The following CAPSL variants were observed in gnomAD, a reference collection of about 807,000 sequenced individuals.
The protein encoded by CAPSL is calcyphosin-like protein.
In CAPSL, 17 loss-of-function variants were observed where a neutral mutation model predicts 21.3. The observed-to-expected ratio is 0.80, with a 90% CI of 0.55 to 1.20. The LOEUF (loss-of-function observed/expected upper bound fraction) is 1.20. Ranked by LOEUF, CAPSL falls within the 50% of genes most tolerant of loss-of-function variation. The probability of loss-of-function intolerance (pLI) is 0.00; values close to 1 mark genes in which losing one functional copy is unlikely to be tolerated. For synonymous variants in CAPSL, 102 were observed against 89.3 expected, an observed-to-expected ratio of 1.14 and a Z score of -0.80; for missense variants, 289 against 259.3, an observed-to-expected ratio of 1.11 and a Z score of -0.79.
chr5:35,909,835 A>C, intron 4 of CAPSL, 31 bp downstream of exon 4: 1 of 1,562,422 alleles, frequency 6.4e-7, no homozygotes, highest in Non-Finnish European at 8.7e-7. Flanking sequence ...GAATTGAAGA[A>C]ATTTCCCCTA....
chr5:35,914,265 C>G (rs1298576369), intron 2 of CAPSL, among the ~76,000 whole-genome samples: 1 of 152,148 alleles, frequency 6.6e-6, no homozygotes, highest in African/African-American at 2.4e-5. Context: ...TAATGGGAGA[C>G]TTTACCACCC....
chr5:35,921,636 CT>C (rs1205455517), intron 1 of CAPSL, among the ~76,000 whole-genome samples: 1 of 152,132 alleles, frequency 6.6e-6, no homozygotes, highest in African/African-American at 2.4e-5. Context: ...CCACTAACAC[CT>C]AATGAGGTTC....
chr5:35,921,756 C>A (rs964405996), intron 1 of CAPSL, among the ~76,000 whole-genome samples: 1 of 152,264 alleles, frequency 6.6e-6, no homozygotes, highest in East Asian at 1.9e-4. Flanking sequence ...GGGAAGAGCA[C>A]TTAGCTGGGG....
At chr5:35,910,269 T>C in intron 3 of CAPSL, 97 bp downstream of exon 3, 1 of 1,340,310 alleles carries the variant, frequency 7.5e-7, no homozygotes, top group South Asian at 1.4e-5. Context: ...CTCCCCACAG[T>C]GTACTAACAA....
intron 1 of CAPSL, among the ~76,000 whole-genome samples, chr5:35,927,060 T>TTA (rs1738703166): frequency 6.6e-6 from 1 of 151,446 alleles, no homozygotes; most frequent in African/African-American, 2.4e-5. Context: ...AGAGGCGAGA[T>TTA]GTGCTTGAGG....
At chr5:35,922,703 C>G (rs777306856) in intron 1 of CAPSL, among the ~76,000 whole-genome samples, 5 of 152,206 alleles carry the variant, frequency 3.3e-5, no homozygotes, top group Non-Finnish European at 5.9e-5. Flanking sequence ...ACAGGGACAC[C>G]TGCAGCCAAG....
chr5:35,921,267 A>G (rs1316885317), intron 1 of CAPSL, 147 bp from the exon 2 acceptor site: 2 of 908,930 alleles, frequency 2.2e-6, no homozygotes, highest in South Asian at 1.8e-5. Flanking sequence ...CTCTATGCCA[A>G]CTGTGTGCCT....
chr5:35,910,424 C>T lies in CAPSL; in HGVS notation c.257G>A (p.Arg86Lys). Residue 86 changes from arginine (R) to lysine (K), a missense_variant, in exon 3 of 5, where the codon AGG becomes AAG. By Grantham distance (26) the Arg-to-Lys change is conservative (BLOSUM62 2). Coordinates refer to ENST00000651391, the MANE Select transcript of CAPSL (RefSeq NM_001042625.2). ...TGTTCCATTTCCATCTTTATCAAAC[C>T]TCCGGAAAAGTTCTTCCACCTCTTC... The part of the protein sequence containing the change: ...EKEEVEELFR[R>K]FDKDGNGTID... The T allele has an allele frequency of 1.9e-6, 3 of 1,613,878 alleles. No homozygotes were observed. Among genetic ancestry groups the T allele is most frequent in the East Asian group, 2.2e-5 (1 of 44,864 alleles).
intron 4 of CAPSL, among the ~76,000 whole-genome samples, chr5:35,905,049 T>G (rs1191335921): frequency 6.6e-6 from 1 of 152,148 alleles, no homozygotes; most frequent in Non-Finnish European, 1.5e-5. Context: ...GTAAGTGATG[T>G]TTTCCCTTTC....
intron 4 of CAPSL, among the ~76,000 whole-genome samples, chr5:35,906,151 T>G (rs1760673158): frequency 6.6e-6 from 1 of 152,192 alleles, no homozygotes; most frequent in Non-Finnish European, 1.5e-5. Context: ...TGAGGAACAT[T>G]TTTTACAGCT....
intron 1 of CAPSL, among the ~76,000 whole-genome samples, chr5:35,932,148 T>A (rs1054055875): frequency 6.6e-6 from 1 of 152,100 alleles, no homozygotes; most frequent in Non-Finnish European, 1.5e-5. Context: ...AACCAAAAAG[T>A]GTTAAGGGAT....
At chr5:35,917,951 G>A (rs1738436235) in intron 2 of CAPSL, among the ~76,000 whole-genome samples, 1 of 152,142 alleles carries the variant, frequency 6.6e-6, no homozygotes, top group Non-Finnish European at 1.5e-5. Context: ...AAAAAGTCAG[G>A]AAACAGCAGA....
intron 4 of CAPSL, 25 bp downstream of exon 4, chr5:35,909,841 C>G (rs768032497): frequency 6.4e-7 from 1 of 1,572,746 alleles, no homozygotes; most frequent in Non-Finnish European, 8.6e-7. Flanking sequence ...AAGAAATTTC[C>G]CCTAGATTAG....
intron 1 of CAPSL, among the ~76,000 whole-genome samples, chr5:35,925,234 G>T (rs1738641578): frequency 6.6e-6 from 1 of 152,244 alleles, no homozygotes; most frequent in Non-Finnish European, 1.5e-5. Context: ...TTACAGCCTG[G>T]GGGCTGAGCA....
chr5:35,916,659 C>T (rs908952804), intron 2 of CAPSL, among the ~76,000 whole-genome samples: 5 of 152,156 alleles, frequency 3.3e-5, no homozygotes, highest in Non-Finnish European at 5.9e-5. Context: ...CTGGCTTAGC[C>T]ATATGTAGAA....
intron 2 of CAPSL, among the ~76,000 whole-genome samples, chr5:35,919,170 A>AAATATAT (rs754098152): frequency 0.022 from 2,642 of 121,152 alleles, 45 homozygotes; most frequent in Non-Finnish European, 0.034. Context: ...TAAAAAAAAA[A>AAATATAT]ATATATATAT....
chr5:35,930,807 T>C (rs1174421245), intron 1 of CAPSL, among the ~76,000 whole-genome samples: 1 of 152,222 alleles, frequency 6.6e-6, no homozygotes, highest in Admixed American at 6.5e-5. Flanking sequence ...TTTCCCTTTT[T>C]CTCTGCCCTA....
intron 1 of CAPSL, among the ~76,000 whole-genome samples, chr5:35,922,977 C>A (rs1031165344): frequency 6.6e-6 from 1 of 152,098 alleles, no homozygotes; most frequent in Non-Finnish European, 1.5e-5. Flanking sequence ...CCCATCCCCA[C>A]CCCAACCCCT....
At chr5:35,918,136 T>C (rs531945852) in intron 2 of CAPSL, among the ~76,000 whole-genome samples, 1 of 152,340 alleles carries the variant, frequency 6.6e-6, no homozygotes, top group South Asian at 2.1e-4. Context: ...TAGATCTTTC[T>C]ACTGTAAAGA....
Sources: gnomAD v4.1 joint callset for allele counts (sites outside exome capture counted in the v4.1 genomes callset) on GRCh38, gnomAD v4.1.1 for gene constraint, MANE v1.5 for transcripts, NCBI Gene and HGNC (gene_info 2026-07-23, HGNC 2026-07-21) for gene names.